SEMA5A: variants seen among roughly 807,000 people sequenced by gnomAD.
The protein encoded by SEMA5A is semaphorin 5A, also known as semaphorin-5A.
Under a neutral mutation model 135.5 loss-of-function variants are expected in SEMA5A, and 55 were observed. The ratio of observed to expected loss-of-function variants is 0.41; its 90% confidence interval spans 0.33 to 0.51. SEMA5A has a LOEUF of 0.51. Ranked by LOEUF, SEMA5A falls within the 20% of genes least tolerant of loss-of-function variation. SEMA5A has a pLI of 0.37. For missense variants in SEMA5A, 1,290 were observed against 1,419.9 expected (o/e 0.91, Z 1.47); for synonymous variants, 580 against 546.5 (o/e 1.06, Z -0.85).
rs372256674 is a variant in SEMA5A at position 9,141,322 on chromosome 5, T to C, written c.1482-4701A>G. On this transcript the variant is annotated intron_variant, in intron 12 of 22. Coordinates refer to ENST00000382496, the MANE Select transcript of SEMA5A (RefSeq NM_003966.3). Reference sequence around the variant, plus strand: ...CACTTTGAAAATGTTTTTCCTTGTGTGGTAAATATTTTTAATAAAAGTTTT... The same window carrying C: ...CACTTTGAAAATGTTTTTCCTTGTGCGGTAAATATTTTTAATAAAAGTTTT... Among the ~76,000 whole-genome samples the C allele has an allele frequency of 4.0e-4, 61 of 152,352 alleles. No homozygotes were observed. The East Asian group carries it at 9.5e-3, about 24-fold the overall frequency.
chr5:9,194,911 A>T (rs965489273), intron 10 of SEMA5A, among the ~76,000 whole-genome samples: 1 of 152,164 alleles, frequency 6.6e-6, no homozygotes, highest in Non-Finnish European at 1.5e-5. Context: ...TATCCTGATG[A>T]ACGGGCTACA....
In SEMA5A at chr5:9,545,088, T is replaced by C. The variant is rs1258804128; in HGVS notation, c.-175+496A>G. Among the ~76,000 whole-genome samples the C allele has an allele frequency of 6.6e-6, 1 of 152,108 alleles. No individual in the cohort carries two copies. Among genetic ancestry groups the C allele is most frequent in the African/African-American group, 2.4e-5 (1 of 41,444 alleles). On this transcript the variant is annotated intron_variant, in intron 1 of 22. Transcript: ENST00000382496. This position sits in a 1 kb window ranked among gnomAD's most constrained non-coding sequence, Gnocchi z 4.5. Reference sequence around the variant, plus strand: ...TGGCGGAGTTGAGCCCAAGTCCCATTGCCTCCCGGTTCCCCTGTAAGGAAA... The same window carrying C: ...TGGCGGAGTTGAGCCCAAGTCCCATCGCCTCCCGGTTCCCCTGTAAGGAAA...
Position 9,119,025 on chromosome 5 carries a change from A to T in SEMA5A, c.1898T>A (p.Val633Glu), listed in dbSNP as rs772353071. 1.2e-6 allele frequency: 2 copies of T among 1,613,346 alleles called. No individual in the cohort carries two copies. The highest frequency in any genetic ancestry group is 1.7e-6 in the Non-Finnish European group (2 of 1,179,856). ...SNPTPRHGGR[V>E]CVGQNREERY... Reference sequence around the variant, plus strand: ...TTCCTCGCGGTTCTGTCCCACGCACACCCGGCCCCCGTGCCTGGGAGTGGG... The same window carrying T: ...TTCCTCGCGGTTCTGTCCCACGCACTCCCGGCCCCCGTGCCTGGGAGTGGG... The change falls in exon 15 of 23, where the codon GTG becomes GAG. Residue 633 changes from valine (V) to glutamate (E), a missense_variant. By Grantham distance (121) the Val-to-Glu change is moderately radical. Around this residue, in one of 3 missense-constraint regions of SEMA5A, gnomAD observed 1,029 missense variants for 1,086.6 expected, o/e 0.95. Transcript: ENST00000382496.
At chr5:9,187,911 C>T (rs966748333) in intron 11 of SEMA5A, among the ~76,000 whole-genome samples, 3 of 152,154 alleles carry the variant, frequency 2.0e-5, no homozygotes, top group Admixed American at 1.3e-4. Context: ...AGCAGCAGTC[C>T]AATCATGCTA....
chr5:9,086,312 A>G (rs1043240163), intron 16 of SEMA5A, among the ~76,000 whole-genome samples: 1 of 152,108 alleles, frequency 6.6e-6, no homozygotes, highest in Admixed American at 6.5e-5. Context: ...GTCCCTACCC[A>G]AATCTCATCT....
intron 5 of SEMA5A, among the ~76,000 whole-genome samples, chr5:9,317,541 G>C (rs1470461078): frequency 1.3e-5 from 2 of 152,134 alleles, no homozygotes; most frequent in Non-Finnish European, 2.9e-5. Flanking sequence ...TTAAAACCTA[G>C]CTCTGAAGTT....
chr5:9,444,013 G>A (rs1022506810), intron 1 of SEMA5A, among the ~76,000 whole-genome samples: 11 of 152,224 alleles, frequency 7.2e-5, no homozygotes, highest in Non-Finnish European at 7.3e-5. Flanking sequence ...TGGGGTCAGA[G>A]GCTGATCCAT....
chr5:9,401,884 A>G (rs1232139378), intron 2 of SEMA5A, among the ~76,000 whole-genome samples: 1 of 152,188 alleles, frequency 6.6e-6, no homozygotes, highest in Non-Finnish European at 1.5e-5. Flanking sequence ...AGGTCAGCAC[A>G]CTGTCTTCAG....
intron 16 of SEMA5A, among the ~76,000 whole-genome samples, chr5:9,094,780 T>C (rs769238282): frequency 6.6e-5 from 10 of 152,194 alleles, no homozygotes; most frequent in Non-Finnish European, 1.2e-4. Context: ...CTGAAACAGA[T>C]GTGGAAAACA....
chr5:9,118,332 A>G (rs1740629969), intron 15 of SEMA5A, among the ~76,000 whole-genome samples: 1 of 152,250 alleles, frequency 6.6e-6, no homozygotes, highest in Non-Finnish European at 1.5e-5. Context: ...GACAGATTCA[A>G]TGATCTTGCA....
intron 16 of SEMA5A, among the ~76,000 whole-genome samples, chr5:9,089,813 T>C (rs751424594): frequency 1.5e-4 from 23 of 152,296 alleles, no homozygotes; most frequent in Non-Finnish European, 3.4e-4. Flanking sequence ...GAAGCTCCCA[T>C]TCACTCTATG....
At chr5:9,315,096 A>C (rs1372487807) in intron 5 of SEMA5A, among the ~76,000 whole-genome samples, 2 of 152,216 alleles carry the variant, frequency 1.3e-5, no homozygotes, top group African/African-American at 4.8e-5. Flanking sequence ...AGTTAATGGA[A>C]ATACATCTCC....
chr5:9,410,796 C>T (rs1397044441), intron 2 of SEMA5A, among the ~76,000 whole-genome samples: 1 of 151,420 alleles, frequency 6.6e-6, no homozygotes, highest in African/African-American at 2.4e-5. Flanking sequence ...TGCAACAAAC[C>T]TGCACATTCT....
chr5:9,246,665 A>C (rs1748498610), intron 5 of SEMA5A, among the ~76,000 whole-genome samples: 1 of 152,200 alleles, frequency 6.6e-6, no homozygotes, highest in South Asian at 2.1e-4. Context: ...AACCGAGCTT[A>C]GTAAGACTAT....
chr5:9,182,269 G>T (rs1348600638), intron 11 of SEMA5A, among the ~76,000 whole-genome samples: 3 of 151,592 alleles, frequency 2.0e-5, no homozygotes, highest in African/African-American at 7.3e-5. Flanking sequence ...TTTCAGCAAA[G>T]GCCACGAGAA....
At position 9,043,018 on chromosome 5, in the gene SEMA5A, T is replaced by C; in HGVS notation, c.3106-2A>G. On this transcript the variant is annotated splice_acceptor_variant, in intron 22 of 22. Coordinates refer to ENST00000382496, the MANE Select transcript of SEMA5A (RefSeq NM_003966.3). LOFTEE classifies it high-confidence loss of function. ...GATCAAGTTGTTTTTGTTAAATGCC[T>C]GGAAAATATATTAAAAAAAAACAGG... 6.5e-7 allele frequency: 1 copy of C among 1,537,390 alleles called. No homozygotes were observed.
At position 9,531,205 on chromosome 5, in the gene SEMA5A, C is replaced by T. The variant is rs774989509; in HGVS notation, c.-175+14379G>A. ...CCAGAAACAGCCCCCAGAACAAGGT[C>T]CTAGAGAGGTGACCAGCTCCAAACT... On this transcript the variant is annotated intron_variant, in intron 1 of 22. Coordinates refer to ENST00000382496, the MANE Select transcript of SEMA5A (RefSeq NM_003966.3). Among the ~76,000 whole-genome samples the T allele has an allele frequency of 3.5e-4, 53 of 152,264 alleles. No individual in the cohort carries two copies. The Middle Eastern group carries it at 0.017, about 49-fold the overall frequency.
intron 6 of SEMA5A, among the ~76,000 whole-genome samples, chr5:9,232,184 T>C (rs1303728103): frequency 6.6e-6 from 1 of 152,230 alleles, no homozygotes; most frequent in Non-Finnish European, 1.5e-5. Context: ...TAGCATTTCA[T>C]GATTTTTTTT....
At chr5:9,246,703 A>T (rs1246897064) in intron 5 of SEMA5A, among the ~76,000 whole-genome samples, 1 of 152,182 alleles carries the variant, frequency 6.6e-6, no homozygotes, top group Non-Finnish European at 1.5e-5. Flanking sequence ...CACCAATATG[A>T]ATTCACAAGA....
Sources: gnomAD v4.1 joint callset for allele counts (sites outside exome capture counted in the v4.1 genomes callset) on GRCh38, gnomAD v4.1.1 for gene constraint, gnomAD v4.1.1 regional missense constraint, Gnocchi (gnomAD v3.1) non-coding constraint, MANE v1.5 for transcripts, NCBI Gene and HGNC (gene_info 2026-07-23, HGNC 2026-07-21) for gene names.